Variants in FGF13 observed in about 807,000 individuals in gnomAD.
FGF13 encodes fibroblast growth factor 13.
A neutral mutation model predicts 19.5 loss-of-function variants in FGF13; 2 were observed. That is an observed-to-expected ratio of 0.10 (90% CI 0.04 to 0.32). The LOEUF (loss-of-function observed/expected upper bound fraction) is 0.32. FGF13 is among the 10% of genes least tolerant of loss of function. The probability of loss-of-function intolerance (pLI) is 1.00; values close to 1 mark genes in which losing one functional copy is unlikely to be tolerated. For synonymous variants in FGF13, 72 were observed against 76.9 expected (o/e 0.94, Z 0.33); for missense variants, 113 against 192.7 (o/e 0.59, Z 2.45).
At chrX:138,708,612 G>T (rs769114343) in intron 2 of FGF13, among the ~76,000 whole-genome samples, 6 of 112,337 alleles carry the variant, frequency 5.3e-5, no homozygotes, top group African/African-American at 1.9e-4. Context: ...TCTTCAGATG[G>T]TGTCAACATT....
intron 3 of FGF13, among the ~76,000 whole-genome samples, chrX:138,656,349 G>A (rs2089437832): frequency 8.9e-6 from 1 of 111,975 alleles, no homozygotes; most frequent in African/African-American, 3.2e-5. Context: ...TAGCATGTCA[G>A]TAATGTGTAC....
At chrX:139,046,525 T>C (rs995599810) in intron 1 of FGF13, among the ~76,000 whole-genome samples, 12 of 111,570 alleles carry the variant, frequency 1.1e-4, no homozygotes, top group African/African-American at 3.6e-4. Context: ...GTGGCTCCTA[T>C]GGGCTCAACC....
chrX:138,864,104 C>T (rs768845924), intron 2 of FGF13, among the ~76,000 whole-genome samples: 102 of 112,051 alleles, frequency 9.1e-4, no homozygotes, highest in African/African-American at 2.9e-3. Flanking sequence ...CCCCAATCCC[C>T]GCCCTGACAA....
intron 1 of FGF13, among the ~76,000 whole-genome samples, chrX:138,932,333 C>A (rs752467867): frequency 8.9e-6 from 1 of 111,874 alleles, no homozygotes; most frequent in African/African-American, 3.3e-5. Context: ...GTAATCCCAA[C>A]ACTTTGGGAG....
At chrX:139,094,341 T>G (rs1294737307) in intron 1 of FGF13, among the ~76,000 whole-genome samples, 1 of 112,171 alleles carries the variant, frequency 8.9e-6, no homozygotes, top group Non-Finnish European at 1.9e-5. Context: ...GCAAAACCAC[T>G]GTTTTCAAAC....
chrX:139,125,710 G>C (rs2083710503), intron 1 of FGF13, among the ~76,000 whole-genome samples: 1 of 111,791 alleles, frequency 8.9e-6, no homozygotes, highest in African/African-American at 3.3e-5. Context: ...CCTGTGTTAG[G>C]GGGACAGTAA....
At chrX:138,910,971 C>T (rs1364645542) in intron 1 of FGF13, among the ~76,000 whole-genome samples, 3 of 110,300 alleles carry the variant, frequency 2.7e-5, no homozygotes, top group Non-Finnish European at 5.7e-5. Context: ...TACCAGTGTC[C>T]TACAATTTGG....
At chrX:138,805,774 C>A (rs1489758315) in intron 3 of FGF13, among the ~76,000 whole-genome samples, 1 of 111,705 alleles carries the variant, frequency 9.0e-6, no homozygotes, top group Non-Finnish European at 1.9e-5. Flanking sequence ...ACTATGGGTA[C>A]AAGGTTGTAC....
intron 1 of FGF13, among the ~76,000 whole-genome samples, chrX:138,868,363 A>AGTGTGTGTGTGTGC (rs753121336): frequency 9.2e-6 from 1 of 108,863 alleles, no homozygotes; most frequent in African/African-American, 3.4e-5. Context: ...AGCGGGGCCC[A>AGTGTGTGTGTGTGC]GTGTGTGTGT....
intron 1 of FGF13, among the ~76,000 whole-genome samples, chrX:139,173,866 G>A (rs1196197221): frequency 1.8e-5 from 2 of 111,714 alleles, no homozygotes; most frequent in African/African-American, 6.5e-5. Flanking sequence ...AAACATCCGT[G>A]TGCATGTGTC....
intron 3 of FGF13, among the ~76,000 whole-genome samples, chrX:138,769,399 C>G (rs986701838): frequency 2.9e-4 from 32 of 111,753 alleles, no homozygotes; most frequent in African/African-American, 8.8e-4. Flanking sequence ...CCTCTCTGTG[C>G]TTCAGTATTG....
At chrX:139,162,557 A>G (rs1049088355) in intron 1 of FGF13, among the ~76,000 whole-genome samples, 5 of 112,220 alleles carry the variant, frequency 4.5e-5, no homozygotes, top group Non-Finnish European at 7.5e-5. Context: ...TAATTCAACT[A>G]AAGAGCTTCT....
chrX:138,882,119 A>G (rs1159197549), intron 1 of FGF13, among the ~76,000 whole-genome samples: 1 of 110,718 alleles, frequency 9.0e-6, no homozygotes, highest in Non-Finnish European at 1.9e-5. Flanking sequence ...ATTAATCTCA[A>G]TGTATTTTCT....
chrX:138,983,094 G>A (rs1224675443), intron 1 of FGF13, among the ~76,000 whole-genome samples: 5 of 110,457 alleles, frequency 4.5e-5, no homozygotes, highest in Non-Finnish European at 9.5e-5. Context: ...TTCCTTTGCT[G>A]TACAGATGCT....
At chrX:138,748,079 A>C (rs904551785) in intron 3 of FGF13, among the ~76,000 whole-genome samples, 1 of 111,241 alleles carries the variant, frequency 9.0e-6, no homozygotes, top group African/African-American at 3.3e-5. Context: ...CAGCAGCATA[A>C]TCCCCCTCCT....
chrX:138,803,917 T>A (rs1222197430), intron 3 of FGF13, among the ~76,000 whole-genome samples: 2 of 112,130 alleles, frequency 1.8e-5, no homozygotes, highest in Admixed American at 1.9e-4. Context: ...AGAGTTGGTC[T>A]TTTGATTTGA....
chrX:139,121,990 T>A (rs1275375118), intron 1 of FGF13, among the ~76,000 whole-genome samples: 1 of 111,609 alleles, frequency 9.0e-6, no homozygotes. Context: ...CTGTCCCTAG[T>A]TATCTGGTAC....
At position 138,708,916 on chromosome X, in the gene FGF13, T is replaced by C; in HGVS notation, c.200A>G (p.Lys67Arg). The change falls in exon 2 of 5, where the codon AAG (lysine) becomes AGG (arginine). Residue 67 changes from lysine (K) to arginine (R), a missense_variant. Lys to Arg is a conservative substitution (Grantham distance 26, BLOSUM62 2). Coordinates refer to ENST00000315930, the MANE Select transcript of FGF13 (RefSeq NM_004114.5). ...GCTGTATAGCTTGGTAACTATACCC[T>C]TAAGCTGAGGCTCTGCAAAGAGAAC... ...RRRRRPEPQL[K>R]GIVTKLYSRQ... is the part of the protein sequence containing the mutation. The C allele has an allele frequency of 8.5e-7, 1 of 1,177,950 alleles. No homozygotes were observed. The highest frequency in any genetic ancestry group is 1.2e-6 in the Non-Finnish European group (1 of 867,239).
intron 3 of FGF13, among the ~76,000 whole-genome samples, chrX:138,793,068 T>C (rs926968868): frequency 7.2e-5 from 8 of 111,082 alleles, no homozygotes; most frequent in Non-Finnish European, 1.3e-4. Context: ...GAAGAGGAAG[T>C]GATGCGAAGA....
Sources: gnomAD v4.1 joint callset for allele counts (sites outside exome capture counted in the v4.1 genomes callset) on GRCh38, gnomAD v4.1.1 for gene constraint, MANE v1.5 for transcripts, NCBI Gene and HGNC (gene_info 2026-07-23, HGNC 2026-07-21) for gene names.